The following COL14A1 variants were observed in gnomAD, a reference collection of about 807,000 sequenced individuals.
The protein encoded by COL14A1 is collagen type XIV alpha 1 chain, also known as collagen alpha-1(XIV) chain.
COL14A1 carries 136 observed loss-of-function variants against 230.3 expected under a neutral mutation model. The ratio of observed to expected loss-of-function variants is 0.59; its 90% CI spans 0.51 to 0.68. The LOEUF (loss-of-function observed/expected upper bound fraction) is 0.68, where lower values mean the gene tolerates loss of function less well. Among genes scored for constraint, COL14A1 ranks in the 30% least tolerant of loss-of-function variants. COL14A1 has a pLI of 0.00. For missense variants in COL14A1, 1,976 were observed against 2,215.8 expected (o/e 0.89, Z 2.17); for synonymous variants, 792 against 784.1 (o/e 1.01, Z -0.17).
chr8:120,330,318 C>T (rs1346941877), intron 40 of COL14A1, among the ~76,000 whole-genome samples: 5 of 152,098 alleles, frequency 3.3e-5, no homozygotes, highest in Admixed American at 3.3e-4. Context: ...CTCGTCCTAC[C>T]CCTGTGTATT....
At chr8:120,296,226 G>A (rs1163602900) in intron 34 of COL14A1, among the ~76,000 whole-genome samples, 1 of 151,832 alleles carries the variant, frequency 6.6e-6, no homozygotes, top group African/African-American at 2.4e-5. Flanking sequence ...AGCTCAATAA[G>A]GTGTATATGG....
chr8:120,365,576 A>G (rs879308767), intron 45 of COL14A1, among the ~76,000 whole-genome samples: 10 of 152,252 alleles, frequency 6.6e-5, no homozygotes, highest in Admixed American at 6.5e-4. Flanking sequence ...GTAGGCTTCC[A>G]CAGCACGGTT....
chr8:120,255,823 C>T (rs1262418246), intron 23 of COL14A1, among the ~76,000 whole-genome samples: 2 of 151,732 alleles, frequency 1.3e-5, no homozygotes, highest in Non-Finnish European at 2.9e-5. Flanking sequence ...GAACAACAAC[C>T]CTCATTCCAG....
chr8:120,328,993 C>G (rs1821780552), intron 40 of COL14A1, among the ~76,000 whole-genome samples: 1 of 152,112 alleles, frequency 6.6e-6, no homozygotes, highest in Non-Finnish European at 1.5e-5. Flanking sequence ...CATGTTCACT[C>G]CCTATCCAGT....
Position 120,252,889 on chromosome 8 carries a change from A to G in COL14A1, c.2752+2123A>G, listed in dbSNP as rs1416347706. Among the ~76,000 whole-genome samples the G allele has an allele frequency of 2.0e-5, 3 of 152,176 alleles. No homozygotes were observed. In the East Asian group the frequency reaches 5.8e-4, roughly 29 times the overall value. On this transcript the variant is annotated intron_variant, in intron 22 of 47. Transcript: ENST00000297848. ...TATAGGGCCAGCCCTTTTATAGAAGAGGTGTCCTGAACTCTCTGTCGTGGA... is the reference window on the plus strand; with the variant it reads ...TATAGGGCCAGCCCTTTTATAGAAGGGGTGTCCTGAACTCTCTGTCGTGGA...
rs774806819 is a variant in COL14A1 at position 120,207,004 on chromosome 8, A to T, written c.1101A>T (p.Arg367Ser). 1.9e-6 allele frequency: 3 copies of T among 1,613,786 alleles called. No individual in the cohort carries two copies. The highest frequency in any genetic ancestry group is 2.5e-6 in the Non-Finnish European group (3 of 1,179,920). Residue 367 changes from arginine to serine, a missense_variant, in exon 10 of 48, where the codon AGA becomes AGT. Physicochemically the swap from Arg to Ser is moderately radical, Grantham distance 110. This residue lies in a region of COL14A1 where 1,791 missense variants were observed against 2,019.5 expected (regional missense o/e 0.89). Transcript: ENST00000297848. Reference sequence around the variant, plus strand: ...TGATTACTTCTGAAGTCACTGCCAGAAGCTTTATGGTTAACTGGACTCATG... The same window carrying T: ...TGATTACTTCTGAAGTCACTGCCAGTAGCTTTATGGTTAACTGGACTCATG... ...TELITSEVTA[R>S]SFMVNWTHAP...
chr8:120,128,768 C>T (rs1242447944), intron 1 of COL14A1, among the ~76,000 whole-genome samples: 3 of 152,154 alleles, frequency 2.0e-5, no homozygotes, highest in African/African-American at 7.2e-5. Context: ...ACTTTTCTCT[C>T]TATGGGCCTT....
At chr8:120,181,915 G>A (rs1219403253) in intron 5 of COL14A1, among the ~76,000 whole-genome samples, 1 of 152,064 alleles carries the variant, frequency 6.6e-6, no homozygotes, top group East Asian at 1.9e-4. Flanking sequence ...TGGCACCACT[G>A]CACTCCAGCC....
intron 22 of COL14A1, 28 bp downstream of exon 22, chr8:120,250,794 C>T (rs777483112): frequency 1.4e-5 from 23 of 1,611,906 alleles, no homozygotes; most frequent in Admixed American, 6.7e-5. Flanking sequence ...TGGCCTCAGC[C>T]GCATATGGGT....
intron 1 of COL14A1, among the ~76,000 whole-genome samples, chr8:120,131,838 C>CTTTTTTTTTTTTTTTTTTTT (rs1172286717): frequency 2.9e-5 from 2 of 68,950 alleles, no homozygotes; most frequent in African/African-American, 1.1e-4. Flanking sequence ...TTCTTCCTTT[C>CTTTTTTTTTTTTTTTTTTTT]TTTTTTTTTT....
At chr8:120,225,482 T>G (rs569193974) in intron 15 of COL14A1, among the ~76,000 whole-genome samples, 1 of 152,296 alleles carries the variant, frequency 6.6e-6, no homozygotes, top group African/African-American at 2.4e-5. Flanking sequence ...TTCCTAATCT[T>G]ATATCTTTTA....
At chr8:120,246,866 A>G (rs2129646550) in intron 20 of COL14A1, among the ~76,000 whole-genome samples, 1 of 152,218 alleles carries the variant, frequency 6.6e-6, no homozygotes, top group East Asian at 1.9e-4. Context: ...CAGTATAGGA[A>G]ATATGAAGAT....
chr8:120,234,077 C>G (rs1818364643), intron 19 of COL14A1, among the ~76,000 whole-genome samples: 1 of 150,788 alleles, frequency 6.6e-6, no homozygotes, highest in Non-Finnish European at 1.5e-5. Context: ...CCCTTTGTAG[C>G]AATTGTGAAT....
chr8:120,210,946 A>T (rs1277538781), intron 12 of COL14A1, among the ~76,000 whole-genome samples: 1 of 152,150 alleles, frequency 6.6e-6, no homozygotes, highest in African/African-American at 2.4e-5. Flanking sequence ...TGCTGAGAAG[A>T]TGCTCAGCCT....
chr8:120,288,271 G>A (rs1254537697), intron 33 of COL14A1, among the ~76,000 whole-genome samples: 1 of 152,040 alleles, frequency 6.6e-6, no homozygotes, highest in Non-Finnish European at 1.5e-5. Flanking sequence ...TCCATACTTG[G>A]GCAATAGTTA....
At chr8:120,312,961 A>G (rs558769662) in intron 37 of COL14A1, among the ~76,000 whole-genome samples, 1 of 152,338 alleles carries the variant, frequency 6.6e-6, no homozygotes, top group Non-Finnish European at 1.5e-5. Flanking sequence ...TGGGTCTAAT[A>G]TTTCTTACAT....
chr8:120,342,089 G>C (rs373512150), intron 43 of COL14A1, among the ~76,000 whole-genome samples: 1 of 152,174 alleles, frequency 6.6e-6, no homozygotes, highest in Non-Finnish European at 1.5e-5. Flanking sequence ...TATATATCAC[G>C]TGTTAAATAT....
intron 47 of COL14A1, among the ~76,000 whole-genome samples, chr8:120,370,091 G>T (rs1481930583): frequency 6.6e-6 from 1 of 152,188 alleles, no homozygotes; most frequent in Non-Finnish European, 1.5e-5. Context: ...CATCTGCAGT[G>T]TGCATGCTGG....
intron 45 of COL14A1, among the ~76,000 whole-genome samples, chr8:120,365,282 C>T (rs989391907): frequency 6.6e-6 from 1 of 152,162 alleles, no homozygotes; most frequent in African/African-American, 2.4e-5. Flanking sequence ...CATTAGGAGC[C>T]ATCCTGTTAA....
Sources: gnomAD v4.1 joint callset for allele counts (sites outside exome capture counted in the v4.1 genomes callset) on GRCh38, gnomAD v4.1.1 for gene constraint, gnomAD v4.1.1 regional missense constraint, MANE v1.5 for transcripts, NCBI Gene and HGNC (gene_info 2026-07-23, HGNC 2026-07-21) for gene names.